Variants in PTPRM observed in about 807,000 individuals in gnomAD.
PTPRM encodes protein tyrosine phosphatase receptor type M.
Under a neutral mutation model 186.7 loss-of-function variants are expected in PTPRM, and 47 were observed. That is an observed-to-expected ratio of 0.25 (90% CI 0.20 to 0.32). PTPRM has a LOEUF of 0.32. Among genes scored for constraint, PTPRM ranks in the 10% least tolerant of loss-of-function variants. The probability of loss-of-function intolerance (pLI) is 1.00; values close to 1 mark genes in which losing one functional copy is unlikely to be tolerated. For missense variants in PTPRM, 1,494 were observed against 1,865.0 expected (o/e 0.80, Z 3.66); for synonymous variants, 668 against 674.9 (o/e 0.99, Z 0.16).
At chr18:8,357,085 C>A (rs77156319) in intron 23 of PTPRM, among the ~76,000 whole-genome samples, 1 of 152,138 alleles carries the variant, frequency 6.6e-6, no homozygotes, top group Non-Finnish European at 1.5e-5. Flanking sequence ...CAGCAGAAAA[C>A]GATTGAGTGT....
In PTPRM at chr18:8,387,182, C is replaced by G; in HGVS notation, c.4155C>G (p.Asp1385Glu). The G allele has an allele frequency of 6.2e-7, 1 of 1,613,888 alleles. No individual in the cohort carries two copies. ...TCTTGAAGCTCATTCGCCAGGTGGA[C>G]AAGTGGCAAGAGGAGTACAATGGCG... ...RSFLKLIRQV[D>E]KWQEEYNGGE... The change falls in exon 31 of 33, where the codon GAC (aspartate) becomes GAG (glutamate). Residue 1385 changes from aspartate (D) to glutamate (E), a missense_variant. Physicochemically the swap from Asp to Glu is conservative, Grantham distance 45. Around this residue, in one of 3 missense-constraint regions of PTPRM, gnomAD observed 1,107 missense variants for 1,350.2 expected, o/e 0.82. Transcript: ENST00000580170.
chr18:7,924,493 C>G (rs1273513548), intron 4 of PTPRM, among the ~76,000 whole-genome samples: 1 of 151,830 alleles, frequency 6.6e-6, no homozygotes, highest in Non-Finnish European at 1.5e-5. Flanking sequence ...GTAGGTAAAC[C>G]TAAAATTATA....
In PTPRM at chr18:8,406,125, G is replaced by C. The variant is rs373864600; in HGVS notation, c.4361G>C (p.Cys1454Ser). ...GTTTTCCAGGATCAGTACAAGTTCT[G>C]CTACGAGGTGGCCCTGGAATACTTG... The part of the protein sequence containing the change: ...MVDLLDQYKF[C>S]YEVALEYLNS... The change falls in exon 33 of 33, where the codon TGC (cysteine) becomes TCC (serine). Residue 1454 changes from cysteine (C) to serine (S), a missense_variant. By Grantham distance (112) the Cys-to-Ser change is moderately radical (BLOSUM62 -1). Around this residue, in one of 3 missense-constraint regions of PTPRM, gnomAD observed 1,107 missense variants for 1,350.2 expected, o/e 0.82. Coordinates refer to ENST00000580170, the MANE Select transcript of PTPRM (RefSeq NM_001105244.2). 1.2e-6 allele frequency: 2 copies of C among 1,614,148 alleles called. No homozygotes were observed. Among genetic ancestry groups the C allele is most frequent in the Non-Finnish European group, 1.7e-6 (2 of 1,180,016 alleles).
At chr18:7,878,317 GAC>G (rs1221484770) in intron 2 of PTPRM, among the ~76,000 whole-genome samples, 1 of 152,052 alleles carries the variant, frequency 6.6e-6, no homozygotes, top group Non-Finnish European at 1.5e-5. Flanking sequence ...GTTTAATGTG[GAC>G]ACCGTTTCAT....
At chr18:7,640,460 T>C (rs2038418429) in intron 1 of PTPRM, among the ~76,000 whole-genome samples, 1 of 152,164 alleles carries the variant, frequency 6.6e-6, no homozygotes, top group South Asian at 2.1e-4. Context: ...GTTGCAAGTG[T>C]CAGAGTCCCC....
intron 1 of PTPRM, among the ~76,000 whole-genome samples, chr18:7,683,419 C>G (rs1289973877): frequency 6.6e-6 from 1 of 152,138 alleles, no homozygotes; most frequent in African/African-American, 2.4e-5. Flanking sequence ...GGGATCCTCC[C>G]ACCTCAGCCT....
intron 4 of PTPRM, among the ~76,000 whole-genome samples, chr18:7,909,523 A>G (rs1026855789): frequency 7.2e-5 from 11 of 152,236 alleles, no homozygotes; most frequent in Admixed American, 3.9e-4. Context: ...AAAGAAGGCA[A>G]TAGTTTGTTC....
intron 1 of PTPRM, among the ~76,000 whole-genome samples, chr18:7,627,977 G>C (rs540423370): frequency 2.0e-5 from 3 of 152,238 alleles, no homozygotes; most frequent in South Asian, 4.2e-4. Flanking sequence ...AAAACAAAAA[G>C]CCACCTTATT....
At chr18:7,831,857 A>C (rs557857126) in intron 2 of PTPRM, among the ~76,000 whole-genome samples, 2 of 152,280 alleles carry the variant, frequency 1.3e-5, no homozygotes, top group Non-Finnish European at 2.9e-5. Flanking sequence ...TAGATTCCAC[A>C]AATAAGTGAG....
intron 2 of PTPRM, among the ~76,000 whole-genome samples, chr18:7,793,928 G>A (rs921585871): frequency 3.3e-5 from 5 of 152,156 alleles, no homozygotes; most frequent in South Asian, 2.1e-4. Context: ...AGAGGACATC[G>A]AGGGGAACAT....
At chr18:7,880,409 G>A (rs1357046967) in intron 2 of PTPRM, among the ~76,000 whole-genome samples, 2 of 152,192 alleles carry the variant, frequency 1.3e-5, no homozygotes, top group African/African-American at 4.8e-5. Context: ...AAGAGACAGG[G>A]CAAACGGAAA....
chr18:7,819,043 T>C (rs2045016543), intron 2 of PTPRM, among the ~76,000 whole-genome samples: 1 of 152,188 alleles, frequency 6.6e-6, no homozygotes, highest in Non-Finnish European at 1.5e-5. Context: ...ATTATTCTTG[T>C]CTAGATGGTC....
At chr18:8,390,112 A>G (rs1281787686) in intron 31 of PTPRM, among the ~76,000 whole-genome samples, 2 of 152,258 alleles carry the variant, frequency 1.3e-5, no homozygotes, top group Non-Finnish European at 2.9e-5. Flanking sequence ...AGGCAAGGAT[A>G]GAAAACAGCT....
At chr18:7,974,223 GATTT>G (rs1459019174) in intron 7 of PTPRM, among the ~76,000 whole-genome samples, 1 of 152,152 alleles carries the variant, frequency 6.6e-6, no homozygotes. Context: ...TTCATTTATT[GATTT>G]AGTCTAATAT....
chr18:7,682,742 AAAT>A (rs2039507441), intron 1 of PTPRM, among the ~76,000 whole-genome samples: 1 of 152,214 alleles, frequency 6.6e-6, no homozygotes, highest in Admixed American at 6.5e-5. Context: ...TGAGGTTCAC[AAAT>A]AATTTGCTGA....
intron 19 of PTPRM, among the ~76,000 whole-genome samples, chr18:8,286,675 A>G (rs1345853638): frequency 6.6e-6 from 1 of 152,244 alleles, no homozygotes; most frequent in Non-Finnish European, 1.5e-5. Flanking sequence ...AAAGTTCCAT[A>G]CAAGTGTTTG....
At position 7,966,685 on chromosome 18, in the gene PTPRM, AAG is replaced by A. The variant is rs1451611134; in HGVS notation, c.1132+11272_1132+11273del. Among the ~76,000 whole-genome samples, 18 of 147,496 alleles carry A rather than the reference AAG, an allele frequency of 1.2e-4. No homozygotes were observed. The East Asian group carries it at 2.8e-3, about 23-fold the overall frequency. On this transcript the variant is annotated intron_variant, in intron 7 of 32. Coordinates refer to ENST00000580170, the MANE Select transcript of PTPRM (RefSeq NM_001105244.2). ...GGGAGTTCCCTTTCCGAGTCAAAGA[AAG>A]GGGTGACGGGCGCACCTGGAAAATC...
chr18:8,158,133 C>T (rs1177504033), intron 14 of PTPRM, among the ~76,000 whole-genome samples: 1 of 152,238 alleles, frequency 6.6e-6, no homozygotes, highest in Non-Finnish European at 1.5e-5. Context: ...TCATTTTTAA[C>T]CTCTATCTAT....
chr18:8,070,121 T>G, intron 8 of PTPRM, 127 bp downstream of exon 8: 1 of 806,388 alleles, frequency 1.2e-6, no homozygotes, highest in Non-Finnish European at 1.9e-6. Context: ...CAAATGTGTA[T>G]CTGTACTCTG....
Sources: gnomAD v4.1 joint callset for allele counts (sites outside exome capture counted in the v4.1 genomes callset) on GRCh38, gnomAD v4.1.1 for gene constraint, gnomAD v4.1.1 regional missense constraint, MANE v1.5 for transcripts, NCBI Gene and HGNC (gene_info 2026-07-23, HGNC 2026-07-21) for gene names.